The following DPYD variants were observed in gnomAD, a reference collection of about 807,000 sequenced individuals.
The protein encoded by DPYD is dihydropyrimidine dehydrogenase [NADP(+)].
A neutral mutation model predicts 116.2 loss-of-function variants in DPYD; 109 were observed. That is an observed-to-expected ratio of 0.94 (90% CI 0.80 to 1.10). The LOEUF (loss-of-function observed/expected upper bound fraction) is 1.10, where lower values mean the gene tolerates loss of function less well. DPYD is among the 50% of genes least tolerant of loss of function. DPYD has a pLI of 0.00. For synonymous variants in DPYD, 440 were observed against 432.0 expected, an observed-to-expected ratio of 1.02 and a Z score of -0.23; for missense variants, 1,302 against 1,254.5, an observed-to-expected ratio of 1.04 and a Z score of -0.57.
intron 8 of DPYD, among the ~76,000 whole-genome samples, chr1:97,643,921 C>G (rs760337313): frequency 6.6e-6 from 1 of 151,610 alleles, no homozygotes; most frequent in Non-Finnish European, 1.5e-5. Flanking sequence ...CATCACACAC[C>G]AGGGCCTGTC....
chr1:97,670,511 A>G (rs1014735413), intron 8 of DPYD, among the ~76,000 whole-genome samples: 3 of 152,174 alleles, frequency 2.0e-5, no homozygotes, highest in Non-Finnish European at 4.4e-5. Context: ...AGACATCTTC[A>G]AGCCAGGAAG....
At chr1:97,406,020 A>G (rs944845815) in intron 14 of DPYD, among the ~76,000 whole-genome samples, 2 of 152,106 alleles carry the variant, frequency 1.3e-5, no homozygotes, top group Non-Finnish European at 2.9e-5. Context: ...GGTGTCCCCT[A>G]TGCCTGGGCC....
intron 13 of DPYD, among the ~76,000 whole-genome samples, chr1:97,471,060 G>C (rs1677621032): frequency 1.3e-5 from 2 of 152,306 alleles, no homozygotes; most frequent in Middle Eastern, 3.4e-3. Context: ...ATTTGAGCTG[G>C]AGATTGTGAG....
At chr1:97,148,775 C>T (rs1654810739) in intron 20 of DPYD, among the ~76,000 whole-genome samples, 1 of 152,134 alleles carries the variant, frequency 6.6e-6, no homozygotes, top group Non-Finnish European at 1.5e-5. Context: ...AGCAGAAACA[C>T]TTGATAAAAC....
intron 11 of DPYD, among the ~76,000 whole-genome samples, chr1:97,565,352 A>G (rs1652443247): frequency 1.3e-5 from 2 of 152,156 alleles, no homozygotes; most frequent in African/African-American, 4.8e-5. Flanking sequence ...CATTCAAGAC[A>G]AAGAGCTCTT....
At chr1:97,631,988 T>C (rs866035307) in intron 8 of DPYD, among the ~76,000 whole-genome samples, 1 of 152,080 alleles carries the variant, frequency 6.6e-6, no homozygotes, top group Non-Finnish European at 1.5e-5. Flanking sequence ...CACCGTTCGA[T>C]TGTAATCTAA....
chr1:97,634,280 C>T (rs1210894431), intron 8 of DPYD, among the ~76,000 whole-genome samples: 3 of 151,958 alleles, frequency 2.0e-5, no homozygotes, highest in Admixed American at 6.6e-5. Context: ...GATTCTAATG[C>T]TAAGAACAAA....
Position 97,134,154 on chromosome 1 carries a change from A to AGACTTAT in DPYD, c.2623-35529_2623-35523dup, listed in dbSNP as rs1401508310. On this transcript the variant is annotated intron_variant, in intron 20 of 22. Transcript: ENST00000370192. ...AATAATGTCTTTATCTTTTAGGTAA[A>AGACTTAT]GACTTATGGCCAAGCTAGGGTTTTA... 2.0e-3 allele frequency among the ~76,000 whole-genome samples: 299 copies of AGACTTAT among 149,554 alleles called. 1 individual carries two copies. Among genetic ancestry groups the AGACTTAT allele is most frequent in the African/African-American group, 7.2e-3 (289 of 40,180 alleles).
At chr1:97,776,553 C>G (rs1034822830) in intron 3 of DPYD, among the ~76,000 whole-genome samples, 1 of 152,130 alleles carries the variant, frequency 6.6e-6, no homozygotes, top group Non-Finnish European at 1.5e-5. Flanking sequence ...ATTATTTTCC[C>G]AAGACGTTCT....
chr1:97,516,272 A>C (rs187353332), intron 12 of DPYD, among the ~76,000 whole-genome samples: 208 of 152,162 alleles, frequency 1.4e-3, no homozygotes, highest in African/African-American at 4.8e-3. Context: ...CTTTGTACTT[A>C]AGTTATGAAA....
chr1:97,242,324 T>C (rs1570743619), intron 18 of DPYD, among the ~76,000 whole-genome samples: 1 of 150,838 alleles, frequency 6.6e-6, no homozygotes, highest in African/African-American at 2.4e-5. Flanking sequence ...TAAATTATAG[T>C]TCACCAAGAT....
chr1:97,911,763 C>T (rs973555493), intron 1 of DPYD, among the ~76,000 whole-genome samples: 2 of 151,956 alleles, frequency 1.3e-5, no homozygotes, highest in African/African-American at 2.4e-5. Flanking sequence ...TAAAAGTTTC[C>T]ATCACATAAT....
At chr1:97,613,157 A>T (rs1656053830) in intron 8 of DPYD, among the ~76,000 whole-genome samples, 1 of 151,812 alleles carries the variant, frequency 6.6e-6, no homozygotes, top group African/African-American at 2.4e-5. Flanking sequence ...TTTATTAAGC[A>T]GCCTTCCTGT....
At chr1:97,133,395 C>T (rs1236749986) in intron 20 of DPYD, among the ~76,000 whole-genome samples, 1 of 151,928 alleles carries the variant, frequency 6.6e-6, no homozygotes, top group Admixed American at 6.6e-5. Context: ...TTTTCTCTAA[C>T]TTATGCAGGG....
chr1:97,421,699 G>A (rs1467670625), intron 14 of DPYD, among the ~76,000 whole-genome samples: 1 of 152,126 alleles, frequency 6.6e-6, no homozygotes, highest in Non-Finnish European at 1.5e-5. Context: ...CTGTCTCCAT[G>A]TCAGGGGGAT....
chr1:97,488,944 C>G (rs561007087), intron 13 of DPYD, among the ~76,000 whole-genome samples: 1 of 152,230 alleles, frequency 6.6e-6, no homozygotes, highest in African/African-American at 2.4e-5. Context: ...CCACAACGAG[C>G]TGTACCTCTG....
chr1:97,224,222 G>A (rs551321646), intron 19 of DPYD, among the ~76,000 whole-genome samples: 15 of 151,900 alleles, frequency 9.9e-5, no homozygotes, highest in Non-Finnish European at 1.9e-4. Context: ...GCCTGTAATC[G>A]GTTTTGAATC....
intron 20 of DPYD, among the ~76,000 whole-genome samples, chr1:97,119,387 G>C (rs1403053487): frequency 6.6e-6 from 1 of 152,146 alleles, no homozygotes; most frequent in Non-Finnish European, 1.5e-5. Context: ...TGATATCAAA[G>C]ACTGCAGAAA....
At chr1:97,793,455 T>C (rs1667413954) in intron 3 of DPYD, among the ~76,000 whole-genome samples, 1 of 152,134 alleles carries the variant, frequency 6.6e-6, no homozygotes, top group Admixed American at 6.5e-5. Context: ...ACTAACTGAT[T>C]TCAAGACTAA....
Sources: gnomAD v4.1 joint callset for allele counts (sites outside exome capture counted in the v4.1 genomes callset) on GRCh38, gnomAD v4.1.1 for gene constraint, MANE v1.5 for transcripts, NCBI Gene and HGNC (gene_info 2026-07-23, HGNC 2026-07-21) for gene names.